The following PPIL2 variants were observed in gnomAD, a reference collection of about 807,000 sequenced individuals.
The protein encoded by PPIL2 is peptidylprolyl isomerase like 2.
A neutral mutation model predicts 75.2 loss-of-function variants in PPIL2; 50 were observed. The ratio of observed to expected loss-of-function variants is 0.66; its 90% CI spans 0.53 to 0.84. The LOEUF is 0.84. Ranked by LOEUF, PPIL2 falls within the 40% of genes least tolerant of loss-of-function variation. The probability of loss-of-function intolerance (pLI) is 0.00; values close to 1 mark genes in which losing one functional copy is unlikely to be tolerated. For missense variants in PPIL2, 590 were observed against 685.0 expected, an observed-to-expected ratio of 0.86 and a Z score of 1.55; for synonymous variants, 245 against 258.8, an observed-to-expected ratio of 0.95 and a Z score of 0.51.
intron 19 of PPIL2, 50 bp downstream of exon 19, chr22:21,695,120 C>G (rs199640777): frequency 1.3e-6 from 2 of 1,526,132 alleles, no homozygotes; most frequent in African/African-American, 2.8e-5. Flanking sequence ...TTTCCTAGGG[C>G]TGACTGAGGT....
intron 10 of PPIL2, chr22:21,685,764 T>C (rs1207886445): frequency 2.5e-6 from 1 of 403,778 alleles, no homozygotes; most frequent in African/African-American, 2.1e-5. Flanking sequence ...TTTCTTCTGA[T>C]GGGAGAAACC....
intron 6 of PPIL2, among the ~76,000 whole-genome samples, chr22:21,678,233 TTG>T (rs2066959585): frequency 6.6e-6 from 1 of 152,086 alleles, no homozygotes. Context: ...GCTTCTTTTG[TTG>T]TGTTTCCTTT....
chr22:21,690,538 C>G (rs768449339), intron 15 of PPIL2, among the ~76,000 whole-genome samples: 2 of 152,174 alleles, frequency 1.3e-5, no homozygotes, highest in African/African-American at 2.4e-5. Context: ...CTGTGCTGAC[C>G]TTTTTTTCTC....
intron 9 of PPIL2, 79 bp downstream of exon 9, chr22:21,683,336 G>A (rs1264875555): frequency 1.2e-5 from 16 of 1,313,052 alleles, no homozygotes; most frequent in Non-Finnish European, 1.6e-5. Flanking sequence ...TAAAGCCCCC[G>A]CTTTCCTGGA....
chr22:21,694,828 A>G lies in PPIL2; in HGVS notation c.1332+11A>G, dbSNP rs771595298. ...GAGGCCGATGCCCAGGTGAGGGGGC[A>G]CGATGCCACCACCTAGGAGGGTCTG... On this transcript the variant is annotated intron_variant, in intron 18 of 19. Coordinates refer to ENST00000398831, the MANE Select transcript of PPIL2 (RefSeq NM_014337.4). 2 of 1,594,652 alleles carry G rather than the reference A, an allele frequency of 1.3e-6. No homozygotes were observed. Among genetic ancestry groups the G allele is most frequent in the Non-Finnish European group, 1.7e-6 (2 of 1,168,076 alleles).
chr22:21,681,483 C>T (rs986209621), intron 7 of PPIL2, 93 bp downstream of exon 7: 394 of 1,161,378 alleles, frequency 3.4e-4, no homozygotes, highest in Non-Finnish European at 3.2e-4. Context: ...GCTACGTGTA[C>T]GGCCTGTCCT....
intron 15 of PPIL2, among the ~76,000 whole-genome samples, chr22:21,691,573 A>G (rs1055939901): frequency 3.3e-5 from 5 of 151,950 alleles, no homozygotes; most frequent in African/African-American, 7.3e-5. Context: ...CCAGCTACTC[A>G]GGAGGCTGAG....
intron 10 of PPIL2, chr22:21,685,824 C>T (rs777325366): frequency 1.7e-5 from 6 of 353,910 alleles, no homozygotes; most frequent in Non-Finnish European, 2.8e-5. Flanking sequence ...GGCTTTTCCC[C>T]GACCCCTGAT....
At position 21,681,197 on chromosome 22, in the gene PPIL2, C is replaced by A. The variant is rs879076622; in HGVS notation, c.296-102C>A. 3.1e-4 allele frequency: 290 copies of A among 947,024 alleles called. 7 individuals carry two copies. In the South Asian group the frequency reaches 4.0e-3, roughly 13 times the overall value. The allele number at this position is 947,024 out of a possible 1,614,324, so 58.7% of individuals were successfully genotyped here. A position where few individuals can be genotyped will look rare whatever the true frequency, so the allele number is the denominator to read the frequency against. On this transcript the variant is annotated intron_variant, in intron 6 of 19. Transcript: ENST00000398831. ...CATGGGGTTCCACCTCCTCCCATCG[C>A]TGACTTTGGAGTTCTGTCCTGCCCT...
intron 5 of PPIL2, 89 bp from the exon 6 acceptor site, chr22:21,674,975 G>T (rs757407445): frequency 1.1e-5 from 14 of 1,257,384 alleles, no homozygotes; most frequent in Non-Finnish European, 1.3e-5. Context: ...GGCCTAGTCA[G>T]AGACTTTTCC....
At chr22:21,672,435 T>G in intron 5 of PPIL2, 54 bp downstream of exon 5, 1 of 1,515,002 alleles carries the variant, frequency 6.6e-7, no homozygotes. Context: ...TCCTCTCACT[T>G]CTCCTTTTGT....
Position 21,696,957 on chromosome 22 carries a change from A to G in PPIL2, c.*1467A>G. The G allele has an allele frequency of 1.3e-6, 2 of 1,573,342 alleles. No individual in the cohort carries two copies. The highest frequency in any genetic ancestry group is 2.7e-5 in the African/African-American group (2 of 73,876). On this transcript the variant is annotated 3_prime_UTR_variant, in exon 20 of 20. Transcript: ENST00000398831. ...GCACACCAATCTGTGGCCCTTCATC[A>G]TGCTAAGAACAAGAACTGCGCCATG...
In PPIL2 at chr22:21,681,333, C is replaced by T; in HGVS notation, c.330C>T (p.Phe110=). 6.2e-7 allele frequency: 1 copy of T among 1,614,122 alleles called. No individual in the cohort carries two copies. The highest frequency in any genetic ancestry group is 8.5e-7 in the Non-Finnish European group (1 of 1,179,968). The part of the protein sequence containing the change: ...KYHCPVLFTV[F]TNNTHIVAVR... ...ACTGCCCAGTGCTGTTTACCGTGTT[C>T]ACCAACAACACCCACATCGTGGCTG... The change falls in exon 7 of 20, where the codon TTC becomes TTT. Residue 110 remains phenylalanine, a synonymous_variant. Transcript: ENST00000398831.
In PPIL2 at chr22:21,687,658, G is replaced by A. The variant is rs944325188; in HGVS notation, c.913G>A (p.Glu305Lys). The change falls in exon 13 of 20, where the codon GAA (glutamate) becomes AAA (lysine). Residue 305 changes from glutamate (E) to lysine (K), a missense_variant. Transcript: ENST00000398831. ...TATGTTGCAGACACCAAAAACCTGC[G>A]AAAACTTCATCAGGCTTTGCAAGAA... Reference protein sequence around the residue: ...LHCDLTPKTCENFIRLCKKHY... With the variant: ...LHCDLTPKTCKNFIRLCKKHY... The A allele has an allele frequency of 2.5e-6, 4 of 1,576,158 alleles. No individual in the cohort carries two copies. Among genetic ancestry groups the A allele is most frequent in the Non-Finnish European group, 3.5e-6 (4 of 1,156,808 alleles).
intron 15 of PPIL2, among the ~76,000 whole-genome samples, chr22:21,691,817 T>C (rs2067651795): frequency 6.6e-6 from 1 of 152,230 alleles, no homozygotes; most frequent in Admixed American, 6.5e-5. Flanking sequence ...GGGAACTGCT[T>C]GCAGGTCAGA....
Position 21,682,438 on chromosome 22 carries a change from C to T in PPIL2, c.389C>T (p.Ala130Val). 6.2e-7 allele frequency: 1 copy of T among 1,613,298 alleles called. No homozygotes were observed. Among genetic ancestry groups the T allele is most frequent in the Non-Finnish European group, 8.5e-7 (1 of 1,179,326 alleles). Residue 130 changes from alanine to valine, a missense_variant and splice_region_variant, in exon 8 of 20, where the codon GCA (alanine) becomes GTA (valine). By Grantham distance (64) the Ala-to-Val change is moderately conservative (BLOSUM62 0). Transcript: ENST00000398831. Reference sequence around the variant, plus strand: ...AAAACCACTTCCTCCTGGCTATAGGCAGTGGAACAGCTAAATATCAAGGCC... The same window carrying T: ...AAAACCACTTCCTCCTGGCTATAGGTAGTGGAACAGCTAAATATCAAGGCC... ...RTTGNVYAYE[A>V]VEQLNIKAKN...
At chr22:21,683,983 G>A (rs1048257995) in intron 9 of PPIL2, among the ~76,000 whole-genome samples, 5 of 152,134 alleles carry the variant, frequency 3.3e-5, no homozygotes, top group African/African-American at 1.2e-4. Context: ...CAAGGCAGGC[G>A]GATTGCTTGA....
intron 14 of PPIL2, 46 bp downstream of exon 14, chr22:21,688,152 G>A (rs377032866): frequency 2.7e-5 from 44 of 1,612,254 alleles, no homozygotes; most frequent in African/African-American, 1.7e-4. Context: ...TGGCTGCTCC[G>A]TGGGGCATGA....
At chr22:21,682,567 C>T (rs978891600) in intron 8 of PPIL2, 41 bp downstream of exon 8, 3 of 1,484,576 alleles carry the variant, frequency 2.0e-6, no homozygotes, top group Non-Finnish European at 2.7e-6. Context: ...GCCTTCAGCA[C>T]CTGCAGCCAG....
Sources: gnomAD v4.1 joint callset for allele counts (sites outside exome capture counted in the v4.1 genomes callset) on GRCh38, gnomAD v4.1.1 for gene constraint, MANE v1.5 for transcripts, NCBI Gene and HGNC (gene_info 2026-07-23, HGNC 2026-07-21) for gene names.